IP6K3: variants seen among roughly 807,000 people sequenced by gnomAD.
The protein encoded by IP6K3 is ATP:1D-myo-inositol-hexakisphosphate phosphotransferase.
In IP6K3, 20 loss-of-function variants were observed where a neutral mutation model predicts 28.8. The observed-to-expected ratio is 0.70, with a 90% CI of 0.49 to 1.01. The LOEUF is 1.01. IP6K3 is among the 50% of genes least tolerant of loss of function. The pLI is 0.00. For synonymous variants in IP6K3, 213 were observed against 221.3 expected, an observed-to-expected ratio of 0.96 and a Z score of 0.33; for missense variants, 480 against 537.1, an observed-to-expected ratio of 0.89 and a Z score of 1.05.
At chr6:33,728,031 C>A (rs1766179867) in intron 3 of IP6K3, 56 bp downstream of exon 3, 1 of 1,577,532 alleles carries the variant, frequency 6.3e-7, no homozygotes, top group Non-Finnish European at 8.6e-7. Flanking sequence ...CAGGTGGGAG[C>A]AGTGCCGGTC....
At chr6:33,758,112 C>T in the IP6K3 span, among the ~76,000 whole-genome samples, 1 of 152,114 alleles carries the variant, frequency 6.6e-6, no homozygotes, top group Admixed American at 6.6e-5. Flanking sequence ...GGGAAGGTGC[C>T]GCCAAAGGAA....
intron 2 of IP6K3, among the ~76,000 whole-genome samples, chr6:33,734,873 T>C (rs1025980601): frequency 3.3e-5 from 5 of 152,092 alleles, no homozygotes; most frequent in Non-Finnish European, 4.4e-5. Context: ...GGCCTGAGGG[T>C]CCCGCCATCC....
chr6:33,750,113 G>A (rs1305786965), upstream of IP6K3, among the ~76,000 whole-genome samples: 1 of 152,138 alleles, frequency 6.6e-6, no homozygotes, highest in Non-Finnish European at 1.5e-5. This position sits in a 1 kb window ranked among gnomAD's most constrained non-coding sequence, Gnocchi z 4.3. Flanking sequence ...ACTATGTCCT[G>A]TGGATTTCAT....
the IP6K3 span, among the ~76,000 whole-genome samples, chr6:33,757,441 C>T: frequency 6.6e-6 from 1 of 152,156 alleles, no homozygotes; most frequent in Non-Finnish European, 1.5e-5. Flanking sequence ...ACATGGGATG[C>T]TGAGTTAATA....
rs756475518 is a variant in IP6K3, at chr6:33,725,718, G to A, written c.590-102C>T. 4 of 1,049,228 alleles carry A rather than the reference G, an allele frequency of 3.8e-6. No individual in the cohort carries two copies. In the Admixed American group the frequency reaches 6.5e-5, roughly 17 times the overall value. 65.0% of individuals were successfully genotyped at this position (1,049,228 alleles called of 1,614,324 possible). A position where few individuals can be genotyped will look rare whatever the true frequency, so the allele number is the denominator to read the frequency against. On this transcript the variant is annotated intron_variant, in intron 4 of 5. Transcript: ENST00000293756. ...AAGCTGCCTGGAAATTCCCTATTCT[G>A]GGCACCATTCTTCACTCCCATTGCC...
chr6:33,737,378 T>C (rs1158987878), intron 1 of IP6K3, among the ~76,000 whole-genome samples: 2 of 152,098 alleles, frequency 1.3e-5, no homozygotes, highest in Admixed American at 6.5e-5. Flanking sequence ...CAGTGGTGCC[T>C]GTCACCACCG....
rs1300970860 is a variant in IP6K3 at position 33,725,456 on chromosome 6, G to C, written c.750C>G (p.Arg250=). 6.2e-7 allele frequency: 1 copy of C among 1,611,242 alleles called. No homozygotes were observed. The highest frequency in any genetic ancestry group is 2.2e-5 in the East Asian group (1 of 44,870). ...AQSTSACLGV[R]ICGMQVYQTD... ...TGCGACCTACCTGCATGCCGCAGAT[G>C]CGCACACCCAGGCAGGCTGAGGTGC... Residue 250 remains arginine (R), a synonymous_variant, in exon 5 of 6, where the codon CGC becomes CGG. Transcript: ENST00000293756.
chr6:33,741,037 G>A lies in IP6K3; in HGVS notation c.-179-5382C>T, dbSNP rs146724774. ...AGCTGTGAAGGTAAGCGTGGCTCAC[G>A]TGATTTGCTTTTGCCAGCATCACGT... On this transcript the variant is annotated intron_variant, in intron 1 of 5. Coordinates refer to ENST00000293756, the MANE Select transcript of IP6K3 (RefSeq NM_054111.5). Among the ~76,000 whole-genome samples the A allele has an allele frequency of 3.0e-3, 464 of 152,296 alleles. 1 individual carries two copies. The highest frequency in any genetic ancestry group is 0.01 in the Middle Eastern group (3 of 294).
At chr6:33,726,540 G>T (rs1582200964) in intron 4 of IP6K3, among the ~76,000 whole-genome samples, 191 bp downstream of exon 4, 1 of 152,264 alleles carries the variant, frequency 6.6e-6, no homozygotes, top group East Asian at 1.9e-4. Flanking sequence ...CTGTTCTTTT[G>T]GAGGCACCTG....
In IP6K3 at chr6:33,725,545, G is replaced by C. The variant is rs773391428; in HGVS notation, c.661C>G (p.Arg221Gly). ...TCCGATGCATCATCGCCGTGCTGCCGGGTCCCCATCTTCAGATCCAGGACA... is the reference window on the plus strand; with the variant it reads ...TCCGATGCATCATCGCCGTGCTGCCCGGTCCCCATCTTCAGATCCAGGACA... ...PCVLDLKMGTRQHGDDASEEK... is the reference protein window; with the variant it reads ...PCVLDLKMGTGQHGDDASEEK... The change falls in exon 5 of 6, where the codon CGG becomes GGG. Residue 221 changes from arginine to glycine, a missense_variant. Physicochemically the swap from Arg to Gly is moderately radical, Grantham distance 125. Transcript: ENST00000293756. 2.5e-6 allele frequency: 4 copies of C among 1,614,102 alleles called. No individual in the cohort carries two copies. The highest frequency in any genetic ancestry group is 3.4e-6 in the Non-Finnish European group (4 of 1,180,008).
Position 33,746,018 on chromosome 6 carries a change from T to A in IP6K3, c.-180+740A>T, listed in dbSNP as rs1312807027. On this transcript the variant is annotated intron_variant, in intron 1 of 5. Coordinates refer to ENST00000293756, the MANE Select transcript of IP6K3 (RefSeq NM_054111.5). The surrounding 1 kb of genome is among the most constrained non-coding windows in gnomAD (Gnocchi z 6.5). ...GAGTCCCTCCCTATGGGATCAGAAT[T>A]TCAGGGGAAGGGGCCTGGCATGGGG... Among the ~76,000 whole-genome samples, 16 of 152,216 alleles carry A rather than the reference T, an allele frequency of 1.1e-4. No individual in the cohort carries two copies. The highest frequency in any genetic ancestry group is 2.9e-5 in the Non-Finnish European group (2 of 67,994).
At chr6:33,761,161 G>A in the IP6K3 span, among the ~76,000 whole-genome samples, 11 of 152,072 alleles carry the variant, frequency 7.2e-5, no homozygotes, top group African/African-American at 2.2e-4. Context: ...GAAGCCCTAA[G>A]ATCCCTCCTG....
At chr6:33,743,774 G>T (rs537118346) in intron 1 of IP6K3, among the ~76,000 whole-genome samples, 1 of 151,992 alleles carries the variant, frequency 6.6e-6, no homozygotes, top group African/African-American at 2.4e-5. Flanking sequence ...AGAAGGCTTG[G>T]TTTCTAGAAT....
intron 1 of IP6K3, among the ~76,000 whole-genome samples, chr6:33,741,645 CAAAAA>C (rs11403411): frequency 1.0e-4 from 3 of 29,376 alleles, no homozygotes; most frequent in African/African-American, 1.7e-4. Flanking sequence ...GACTCCATCT[CAAAAA>C]AAAAAAAAAA....
At chr6:33,753,902 G>A in the IP6K3 span, among the ~76,000 whole-genome samples, 17 of 152,164 alleles carry the variant, frequency 1.1e-4, no homozygotes, top group East Asian at 9.7e-4. Context: ...TCTGCCTCCC[G>A]GGTTCACGCC....
intron 5 of IP6K3, among the ~76,000 whole-genome samples, chr6:33,723,518 C>T (rs912609072): frequency 6.6e-6 from 1 of 152,208 alleles, no homozygotes; most frequent in Non-Finnish European, 1.5e-5. Context: ...GATTTAAGCC[C>T]TGGCTCCTGG....
chr6:33,735,249 A>G, intron 2 of IP6K3, 29 bp downstream of exon 2: 4 of 1,597,934 alleles, frequency 2.5e-6, no homozygotes, highest in Non-Finnish European at 3.4e-6. Context: ...GGCAGCACCC[A>G]GACGTGGCCT....
the IP6K3 span, among the ~76,000 whole-genome samples, chr6:33,760,027 A>G: frequency 1.3e-5 from 2 of 152,200 alleles, no homozygotes; most frequent in African/African-American, 4.8e-5. Flanking sequence ...TCAGAGAGGG[A>G]CTGAGCCTGC....
chr6:33,733,417 G>A (rs1766386562), intron 2 of IP6K3, among the ~76,000 whole-genome samples: 2 of 152,218 alleles, frequency 1.3e-5, no homozygotes, highest in African/African-American at 4.8e-5. Context: ...GTTGCAGATG[G>A]GGAGCAGAGG....
Sources: gnomAD v4.1 joint callset for allele counts (sites outside exome capture counted in the v4.1 genomes callset) on GRCh38, gnomAD v4.1.1 for gene constraint, Gnocchi (gnomAD v3.1) non-coding constraint, MANE v1.5 for transcripts, NCBI Gene and HGNC (gene_info 2026-07-23, HGNC 2026-07-21) for gene names.